The following TSPAN5 variants were observed in gnomAD, a reference collection of about 807,000 sequenced individuals.
TSPAN5 encodes tetraspanin-5.
In TSPAN5, 10 loss-of-function variants were observed where a neutral mutation model predicts 37.1. The observed-to-expected ratio is 0.27, with a 90% confidence interval of 0.17 to 0.46. TSPAN5 has a LOEUF of 0.46. Ranked by LOEUF, TSPAN5 falls within the 20% of genes least tolerant of loss-of-function variation. TSPAN5 has a pLI of 1.00. For synonymous variants in TSPAN5, 110 were observed against 118.9 expected (o/e 0.93, Z 0.48); for missense variants, 195 against 326.6 (o/e 0.60, Z 3.11).
intron 1 of TSPAN5, among the ~76,000 whole-genome samples, chr4:98,640,289 C>T (rs1472324033): frequency 6.6e-6 from 1 of 152,106 alleles, no homozygotes; most frequent in African/African-American, 2.4e-5. Context: ...TAACTTTGTT[C>T]CTAGGCTAAG....
intron 1 of TSPAN5, among the ~76,000 whole-genome samples, chr4:98,627,446 C>G (rs113524728): frequency 6.6e-6 from 1 of 151,770 alleles, no homozygotes; most frequent in African/African-American, 2.4e-5. Context: ...CAGAATAACA[C>G]GAGTAAATGC....
intron 1 of TSPAN5, among the ~76,000 whole-genome samples, chr4:98,577,751 A>G (rs1223767739): frequency 2.6e-5 from 4 of 152,204 alleles, no homozygotes; most frequent in Non-Finnish European, 5.9e-5. Context: ...CAGTTCTGCT[A>G]TTCACTGGCT....
intron 1 of TSPAN5, among the ~76,000 whole-genome samples, chr4:98,566,792 C>T (rs530894779): frequency 6.6e-6 from 1 of 152,206 alleles, no homozygotes; most frequent in African/African-American, 2.4e-5. Context: ...ACGCAAGACC[C>T]ATCTGGGACA....
At chr4:98,490,091 C>G (rs923533999) in intron 2 of TSPAN5, among the ~76,000 whole-genome samples, 1 of 152,090 alleles carries the variant, frequency 6.6e-6, no homozygotes, top group African/African-American at 2.4e-5. Context: ...ACTTTGAGAC[C>G]GTTCTATGAT....
chr4:98,654,606 C>T (rs550362706), intron 1 of TSPAN5, among the ~76,000 whole-genome samples: 24 of 152,260 alleles, frequency 1.6e-4, no homozygotes, highest in African/African-American at 4.8e-4. Flanking sequence ...CCCCCACCAG[C>T]CTGTGATAAC....
intron 2 of TSPAN5, among the ~76,000 whole-genome samples, chr4:98,506,649 G>A (rs1446695547): frequency 6.6e-6 from 1 of 152,134 alleles, no homozygotes; most frequent in African/African-American, 2.4e-5. Context: ...CCACTTCAAA[G>A]GAACTCTCAG....
chr4:98,582,903 T>C (rs893665829), intron 1 of TSPAN5, among the ~76,000 whole-genome samples: 9 of 152,176 alleles, frequency 5.9e-5, no homozygotes, highest in Non-Finnish European at 8.8e-5. Context: ...CCACAAAAGA[T>C]GTCAAATAGC....
intron 1 of TSPAN5, among the ~76,000 whole-genome samples, chr4:98,576,179 A>C (rs1276343715): frequency 6.6e-6 from 1 of 152,156 alleles, no homozygotes; most frequent in African/African-American, 2.4e-5. Flanking sequence ...AAAATTAAAA[A>C]AAAAATCAAA....
chr4:98,621,257 C>T (rs1024133989), intron 1 of TSPAN5, among the ~76,000 whole-genome samples: 2 of 152,018 alleles, frequency 1.3e-5, no homozygotes, highest in African/African-American at 4.8e-5. Flanking sequence ...GTGACACCTT[C>T]ATCTCAGAGC....
At chr4:98,533,416 G>A (rs1007760231) in intron 1 of TSPAN5, among the ~76,000 whole-genome samples, 1 of 151,812 alleles carries the variant, frequency 6.6e-6, no homozygotes, top group African/African-American at 2.4e-5. Flanking sequence ...TAGACTTGTG[G>A]GGGGTGTTAT....
At chr4:98,651,013 G>T (rs1483745602) in intron 1 of TSPAN5, among the ~76,000 whole-genome samples, 1 of 152,102 alleles carries the variant, frequency 6.6e-6, no homozygotes, top group Non-Finnish European at 1.5e-5. Flanking sequence ...TGAGGAATAG[G>T]CTATTTACAT....
At chr4:98,619,127 A>G (rs950976806) in intron 1 of TSPAN5, among the ~76,000 whole-genome samples, 16 of 152,234 alleles carry the variant, frequency 1.1e-4, no homozygotes, top group African/African-American at 3.6e-4. Context: ...CAACAAGTAT[A>G]AAAATCCACG....
At chr4:98,641,656 T>A (rs1190069947) in intron 1 of TSPAN5, among the ~76,000 whole-genome samples, 3 of 152,132 alleles carry the variant, frequency 2.0e-5, no homozygotes, top group Admixed American at 2.0e-4. Context: ...CGTGCACACA[T>A]CCTACAAAGA....
At chr4:98,635,431 T>A (rs990299267) in intron 1 of TSPAN5, among the ~76,000 whole-genome samples, 4 of 152,236 alleles carry the variant, frequency 2.6e-5, no homozygotes, top group Non-Finnish European at 5.9e-5. Context: ...ATTTATTGGC[T>A]GATGTCTTTT....
intron 1 of TSPAN5, among the ~76,000 whole-genome samples, chr4:98,552,601 T>G (rs1754647831): frequency 2.0e-5 from 3 of 152,222 alleles, no homozygotes; most frequent in Admixed American, 2.0e-4. Context: ...TATCTCACAT[T>G]AACAATTGGT....
chr4:98,612,774 A>C (rs1410466932), intron 1 of TSPAN5, among the ~76,000 whole-genome samples: 1 of 151,938 alleles, frequency 6.6e-6, no homozygotes, highest in East Asian at 1.9e-4. Flanking sequence ...CCCTCTCCAC[A>C]TCAGGCCTCC....
intron 1 of TSPAN5, among the ~76,000 whole-genome samples, chr4:98,531,440 G>A (rs1754085828): frequency 6.6e-6 from 1 of 152,168 alleles, no homozygotes; most frequent in African/African-American, 2.4e-5. Flanking sequence ...TAGTGTATAT[G>A]TGCCACATTT....
intron 2 of TSPAN5, among the ~76,000 whole-genome samples, chr4:98,502,503 G>A (rs1368172409): frequency 6.6e-6 from 1 of 152,142 alleles, no homozygotes; most frequent in Non-Finnish European, 1.5e-5. Flanking sequence ...TCGAATTGAG[G>A]AGTGATGTAT....
intron 1 of TSPAN5, among the ~76,000 whole-genome samples, chr4:98,656,651 G>A (rs1353610573): frequency 6.6e-6 from 1 of 152,188 alleles, no homozygotes; most frequent in Non-Finnish European, 1.5e-5. Context: ...AAAACTGCCT[G>A]TGGAATGATC....
Sources: allele counts gnomAD v4.1 joint callset (sites outside exome capture counted in the v4.1 genomes callset), GRCh38; gene constraint gnomAD v4.1.1; transcripts MANE v1.5; gene names NCBI Gene and HGNC (gene_info 2026-07-23, HGNC 2026-07-21).